The following RYR1 variants were observed in gnomAD, a reference collection of about 807,000 sequenced individuals.
RYR1 encodes ryanodine receptor 1.
Under a neutral mutation model 583.5 loss-of-function variants are expected in RYR1, and 342 were observed. The observed-to-expected ratio is 0.59, with a 90% CI of 0.54 to 0.64. RYR1 has a LOEUF of 0.64. RYR1 is among the 30% of genes least tolerant of loss of function. RYR1 has a pLI of 0.00. For missense variants in RYR1, 6,032 were observed against 6,917.2 expected (o/e 0.87, Z 4.54); for synonymous variants, 2,791 against 2,822.5 (o/e 0.99, Z 0.35).
In RYR1 at chr19:38,467,692, G is replaced by A; in HGVS notation, c.3261G>A (p.Trp1087Ter). 6.2e-7 allele frequency: 1 copy of A among 1,614,228 alleles called. No homozygotes were observed. Among genetic ancestry groups the A allele is most frequent in the Non-Finnish European group, 8.5e-7 (1 of 1,180,038 alleles). ...EKSYTVQSGR[W>*]YFEFEAVTTG... is the part of the protein sequence containing the mutation. Reference sequence around the variant, plus strand: ...CCTATACAGTGCAGAGCGGCCGCTGGTACTTCGAGTTTGAAGCAGTCACCA... The same window carrying A: ...CCTATACAGTGCAGAGCGGCCGCTGATACTTCGAGTTTGAAGCAGTCACCA... The change falls in exon 25 of 106, where the codon TGG becomes TGA. Residue 1087 changes from tryptophan to a stop codon, truncating the protein, a stop_gained. Coordinates refer to ENST00000359596, the MANE Select transcript of RYR1 (RefSeq NM_000540.3). LOFTEE classifies it high-confidence loss of function.
At chr19:38,447,401 TGTG>T (rs1972997449) in intron 9 of RYR1, among the ~76,000 whole-genome samples, 1 of 149,528 alleles carries the variant, frequency 6.7e-6, no homozygotes, top group Admixed American at 6.7e-5. Context: ...ATTTGCCTGG[TGTG>T]GTGGTGGGCA....
Position 38,448,351 on chromosome 19 carries a change from A to T in RYR1, c.801-4A>T, listed in dbSNP as rs757990724. 6.2e-7 allele frequency: 1 copy of T among 1,607,278 alleles called. No individual in the cohort carries two copies. On this transcript the variant is annotated splice_region_variant and splice_polypyrimidine_tract_variant and intron_variant, in intron 9 of 105. Transcript: ENST00000359596. ...TGACTCCCCTTGGCTCTCACCCTCC[A>T]CAGCTGGAGTGGGAGCCACCTGCGC...
At chr19:38,528,508 C>A (rs897564017) in intron 74 of RYR1, 90 bp downstream of exon 74, 2 of 1,587,692 alleles carry the variant, frequency 1.3e-6, no homozygotes, top group African/African-American at 2.7e-5. Context: ...CGTGATGGGG[C>A]CTTGAGGGTG....
rs76293213 is a variant in RYR1 at position 38,537,669 on chromosome 19, C to T, written c.11609-211C>T. Among the ~76,000 whole-genome samples the T allele has an allele frequency of 8.9e-3, 1,359 of 152,288 alleles. 39 individuals are homozygous for T. The highest frequency in any genetic ancestry group is 0.077 in the East Asian group (400 of 5,172). ...TCATGACTCAGGGCCCCTTGGGTCTCCGTCTGCTGATGTCATGGGCTCTGA... is the reference window on the plus strand; with the variant it reads ...TCATGACTCAGGGCCCCTTGGGTCTTCGTCTGCTGATGTCATGGGCTCTGA... On this transcript the variant is annotated intron_variant, in intron 83 of 105. Coordinates refer to ENST00000359596, the MANE Select transcript of RYR1 (RefSeq NM_000540.3).
intron 53 of RYR1, 126 bp from the exon 54 acceptor site, chr19:38,505,680 G>T (rs1322652879): frequency 5.8e-6 from 7 of 1,213,234 alleles, no homozygotes; most frequent in African/African-American, 1.5e-5. Flanking sequence ...GCAGGTAAGA[G>T]ACTTGAGTTG....
At position 38,483,696 on chromosome 19, in the gene RYR1, G is replaced by A. The variant is rs553004360; in HGVS notation, c.4934+180G>A. Reference sequence around the variant, plus strand: ...GACATCCCCAGATTATGTCCCAGGGGGATTCAGACTCAACGCAGGAGGCTC... The same window carrying A: ...GACATCCCCAGATTATGTCCCAGGGAGATTCAGACTCAACGCAGGAGGCTC... On this transcript the variant is annotated intron_variant, in intron 33 of 105. Transcript: ENST00000359596. The surrounding 1 kb of genome is among the most constrained non-coding windows in gnomAD (Gnocchi z 6.3). 2.0e-5 allele frequency among the ~76,000 whole-genome samples: 3 copies of A among 151,806 alleles called. No individual in the cohort carries two copies. Among genetic ancestry groups the A allele is most frequent in the East Asian group, 1.9e-4 (1 of 5,156 alleles).
At position 38,499,811 on chromosome 19, in the gene RYR1, C is replaced by T. The variant is rs575780192; in HGVS notation, c.7204C>T (p.Arg2402Trp). ...TGGCCCAGGCATCCGCAGGGACCGG[C>T]GGCGCGAGCAGTGAGTCTCCCGGCC... ...RDGPGIRRDR[R>W]REHFGEEPPE... Residue 2402 changes from arginine (R) to tryptophan (W), a missense_variant, in exon 44 of 106, where the codon CGG (arginine) becomes TGG (tryptophan). This residue lies in a region of RYR1 where 2,627 missense variants were observed against 2,961.3 expected (regional missense o/e 0.89). Transcript: ENST00000359596. The surrounding 1 kb of genome is among the most constrained non-coding windows in gnomAD (Gnocchi z 7.3). 3.9e-5 allele frequency: 62 copies of T among 1,605,366 alleles called. 1 individual carries two copies. In the East Asian group the frequency reaches 8.5e-4, roughly 22 times the overall value.
chr19:38,502,788 GGGGCAGGGGCAGGGGCAGGGGGAGGA>G (rs1970224809), intron 48 of RYR1, 61 bp downstream of exon 48: 1 of 1,105,778 alleles, frequency 9.0e-7, no homozygotes, highest in African/African-American at 1.9e-5. Context: ...GGCAGGGGCA[GGGGCAGGGGCAGGGGCAGGGGGAGGA>G]GCAGGGGCAG....
At chr19:38,439,790 A>G (rs1396377342) in intron 1 of RYR1, among the ~76,000 whole-genome samples, 1 of 152,182 alleles carries the variant, frequency 6.6e-6, no homozygotes, top group Non-Finnish European at 1.5e-5. Flanking sequence ...TATAGGTGGG[A>G]ACTACTGCGC....
intron 105 of RYR1, among the ~76,000 whole-genome samples, chr19:38,586,918 C>T (rs934436962): frequency 6.6e-6 from 1 of 151,952 alleles, no homozygotes; most frequent in Non-Finnish European, 1.5e-5. Context: ...TTGCAGTGAG[C>T]CAAGATCATG....
rs1306364853 is a variant in RYR1 at position 38,561,738 on chromosome 19, A to G, written c.12624+284A>G. Among the ~76,000 whole-genome samples the G allele has an allele frequency of 1.3e-5, 2 of 152,082 alleles. No individual in the cohort carries two copies. Among genetic ancestry groups the G allele is most frequent in the African/African-American group, 4.8e-5 (2 of 41,410 alleles). ...TCCTGACTGTGGCTGCTCACACGCC[A>G]TGCTTTCCCCTTACACCCACACCCT... On this transcript the variant is annotated intron_variant, in intron 90 of 105. Transcript: ENST00000359596. This position sits in a 1 kb window ranked among gnomAD's most constrained non-coding sequence, Gnocchi z 4.8.
intron 82 of RYR1, among the ~76,000 whole-genome samples, 198 bp downstream of exon 82, chr19:38,536,268 A>C (rs1600964602): frequency 5.3e-4 from 9 of 17,116 alleles, no homozygotes; most frequent in African/African-American, 2.0e-3. Flanking sequence ...CCCCATGTCC[A>C]CCACCCACCT....
Position 38,527,801 on chromosome 19 carries a change from G to T in RYR1, c.10824+17G>T, listed in dbSNP as rs536425422. 1.1e-5 allele frequency: 17 copies of T among 1,613,858 alleles called. No homozygotes were observed. In the South Asian group the frequency reaches 1.6e-4, roughly 16 times the overall value. On this transcript the variant is annotated intron_variant, in intron 73 of 105. Transcript: ENST00000359596. ...CTGGACCAGGTGGGTGGGGCCGGAG[G>T]GGTCTTTCTACTGGGTCTCTGGGCG... is the stretch of plus-strand genomic sequence containing the variant.
Position 38,573,047 on chromosome 19 carries a change from C to A in RYR1, c.13999-130C>A, listed in dbSNP as rs554730550. The A allele has an allele frequency of 6.8e-6, 10 of 1,467,608 alleles. No individual in the cohort carries two copies. The East Asian group carries it at 1.9e-4, about 28-fold the overall frequency. 90.9% of individuals were successfully genotyped at this position (1,467,608 alleles called of 1,614,324 possible). A position where few individuals can be genotyped will look rare whatever the true frequency, so the allele number is the denominator to read the frequency against. ...CCCTCTGCCTGGGCCTCATTTCTACCCTTATCACTGGGAAAGCACTTCTGA... is the reference window on the plus strand; with the variant it reads ...CCCTCTGCCTGGGCCTCATTTCTACACTTATCACTGGGAAAGCACTTCTGA... On this transcript the variant is annotated intron_variant, in intron 95 of 105. Coordinates refer to ENST00000359596, the MANE Select transcript of RYR1 (RefSeq NM_000540.3).
intron 58 of RYR1, among the ~76,000 whole-genome samples, chr19:38,508,323 C>T (rs1429807237): frequency 1.3e-5 from 2 of 152,144 alleles, no homozygotes; most frequent in Non-Finnish European, 2.9e-5. Flanking sequence ...GATTCTCCTG[C>T]CTCAGCCTCC....
rs1969349640 is a variant in RYR1 at position 38,487,430 on chromosome 19, T to G, written c.5547+1228T>G. Among the ~76,000 whole-genome samples the G allele has an allele frequency of 2.0e-5, 3 of 152,296 alleles. No individual in the cohort carries two copies. In the South Asian group the frequency reaches 6.2e-4, roughly 32 times the overall value. On this transcript the variant is annotated intron_variant, in intron 34 of 105. Coordinates refer to ENST00000359596, the MANE Select transcript of RYR1 (RefSeq NM_000540.3). Reference sequence around the variant, plus strand: ...GTGCAGTGGAGCAATCTCAAATCACTGCAACCTCCGCTTCCCATGTTCAAG... The same window carrying G: ...GTGCAGTGGAGCAATCTCAAATCACGGCAACCTCCGCTTCCCATGTTCAAG...
chr19:38,468,973 G>T lies in RYR1; in HGVS notation c.3389G>T (p.Arg1130Leu). ...CTCTGGCTGTCCTCACAGGGCCAGC[G>T]CTGGCACTTGGGCAGTGAACCATTT... The part of the protein sequence containing the change: ...AYVFNGHRGQ[R>L]WHLGSEPFGR... The change falls in exon 26 of 106, where the codon CGC (arginine) becomes CTC (leucine). Residue 1130 changes from arginine (R) to leucine (L), a missense_variant. Physicochemically the swap from Arg to Leu is moderately radical, Grantham distance 102 (BLOSUM62 -2). This residue lies in a region of RYR1 where 2,627 missense variants were observed against 2,961.3 expected (regional missense o/e 0.89). Coordinates refer to ENST00000359596, the MANE Select transcript of RYR1 (RefSeq NM_000540.3). 6.2e-7 allele frequency: 1 copy of T among 1,614,052 alleles called. No individual in the cohort carries two copies. The highest frequency in any genetic ancestry group is 2.2e-5 in the East Asian group (1 of 44,874).
chr19:38,479,917 A>G (rs1851372151), intron 31 of RYR1, among the ~76,000 whole-genome samples: 1 of 150,996 alleles, frequency 6.6e-6, no homozygotes, highest in Non-Finnish European at 1.5e-5. Context: ...ACGGGGTCTC[A>G]CTATGTTGCC....
chr19:38,569,478 A>G (rs1285700149), intron 93 of RYR1, among the ~76,000 whole-genome samples: 1 of 151,738 alleles, frequency 6.6e-6, no homozygotes. Flanking sequence ...TCACTTAAGC[A>G]CAGGAGGTTG....
Sources: gnomAD v4.1 joint callset for allele counts (sites outside exome capture counted in the v4.1 genomes callset) on GRCh38, gnomAD v4.1.1 for gene constraint, gnomAD v4.1.1 regional missense constraint, Gnocchi (gnomAD v3.1) non-coding constraint, MANE v1.5 for transcripts, NCBI Gene and HGNC (gene_info 2026-07-23, HGNC 2026-07-21) for gene names.